The following AGTPBP1 variants were observed in gnomAD, a reference collection of about 807,000 sequenced individuals.
AGTPBP1 encodes cytosolic carboxypeptidase 1.
AGTPBP1 carries 70 observed loss-of-function variants against 143.9 expected under a neutral mutation model. That is an observed-to-expected ratio of 0.49 (90% CI 0.40 to 0.59). The LOEUF (loss-of-function observed/expected upper bound fraction) is 0.59, where lower values mean the gene tolerates loss of function less well. Ranked by LOEUF, AGTPBP1 falls within the 20% of genes least tolerant of loss-of-function variation. The pLI is 0.00. For synonymous variants in AGTPBP1, 463 were observed against 500.2 expected (o/e 0.93, Z 0.99); for missense variants, 1,229 against 1,464.5 (o/e 0.84, Z 2.62).
intron 2 of AGTPBP1, among the ~76,000 whole-genome samples, chr9:85,710,703 A>ACAAC (rs1837311836): frequency 1.3e-5 from 2 of 152,158 alleles, no homozygotes; most frequent in African/African-American, 4.8e-5. Context: ...CAACAACAAA[A>ACAAC]AAAACAAATA....
At chr9:85,582,736 CAT>C (rs1453276107) in intron 23 of AGTPBP1, among the ~76,000 whole-genome samples, 1 of 151,804 alleles carries the variant, frequency 6.6e-6, no homozygotes, top group East Asian at 1.9e-4. Context: ...CCCGCAAAAA[CAT>C]AAACACTTGC....
intron 25 of AGTPBP1, among the ~76,000 whole-genome samples, chr9:85,564,703 C>T (rs1826967654): frequency 6.6e-6 from 1 of 152,156 alleles, no homozygotes; most frequent in African/African-American, 2.4e-5. Flanking sequence ...ATGGGCTATA[C>T]CATCTAGGTT....
intron 4 of AGTPBP1, among the ~76,000 whole-genome samples, chr9:85,679,209 A>T (rs1388134712): frequency 6.6e-6 from 1 of 152,204 alleles, no homozygotes; most frequent in Non-Finnish European, 1.5e-5. Flanking sequence ...CAGAAGAGTG[A>T]CTATTTCTCC....
intron 1 of AGTPBP1, 47 bp from the exon 2 acceptor site, chr9:85,712,613 C>G: frequency 1.0e-6 from 1 of 978,830 alleles, no homozygotes; most frequent in South Asian, 1.9e-5. Flanking sequence ...ACTCTTTTTT[C>G]TATATATTAG....
At chr9:85,784,786 G>A in the AGTPBP1 span, among the ~76,000 whole-genome samples, 1 of 152,206 alleles carries the variant, frequency 6.6e-6, no homozygotes. Flanking sequence ...CTGAACCAGA[G>A]TGAGCCGTGG....
At chr9:85,654,933 T>C (rs1402590993) in intron 11 of AGTPBP1, among the ~76,000 whole-genome samples, 2 of 152,218 alleles carry the variant, frequency 1.3e-5, no homozygotes, top group Non-Finnish European at 2.9e-5. Flanking sequence ...CACATTTGCA[T>C]ATATACAACA....
At chr9:85,803,146 T>C in the AGTPBP1 span, among the ~76,000 whole-genome samples, 1 of 152,212 alleles carries the variant, frequency 6.6e-6, no homozygotes, top group Non-Finnish European at 1.5e-5. Context: ...ACGTGGGAAC[T>C]GGGGAAGAGG....
At chr9:85,641,047 A>G (rs1832430394) in intron 13 of AGTPBP1, among the ~76,000 whole-genome samples, 1 of 152,192 alleles carries the variant, frequency 6.6e-6, no homozygotes, top group East Asian at 1.9e-4. Flanking sequence ...CCTTTGTCCA[A>G]CGTATCCACA....
rs761507509 is a variant in AGTPBP1 at position 85,592,607 on chromosome 9, C to A, written c.2521G>T (p.Val841Phe). Residue 841 changes from valine (V) to phenylalanine (F), a missense_variant, in exon 19 of 26, where the codon GTT becomes TTT. Physicochemically the swap from Val to Phe is conservative, Grantham distance 50 (BLOSUM62 -1). Around this residue, in one of 2 missense-constraint regions of AGTPBP1, gnomAD observed 486 missense variants for 652.3 expected, o/e 0.75. Transcript: ENST00000357081. ...FTVNFPHKDDVCYFAYHYPYT... is the reference protein window; with the variant it reads ...FTVNFPHKDDFCYFAYHYPYT... ...GGATAGTGATAAGCAAAGTAGCAAA[C>A]ATCATCTTTATGTGGAAAATTGACA... is the stretch of plus-strand genomic sequence containing the variant. 1.8e-5 allele frequency: 29 copies of A among 1,611,698 alleles called. No homozygotes were observed. The highest frequency in any genetic ancestry group is 2.3e-5 in the Non-Finnish European group (27 of 1,179,126).
chr9:85,698,985 T>A (rs1028475169), intron 2 of AGTPBP1, among the ~76,000 whole-genome samples: 18 of 152,028 alleles, frequency 1.2e-4, no homozygotes, highest in African/African-American at 3.9e-4. Flanking sequence ...AACCCTATTT[T>A]TAGATGCATC....
the AGTPBP1 span, chr9:85,755,937 G>A: frequency 5.9e-5 from 37 of 626,812 alleles, no homozygotes; most frequent in Middle Eastern, 4.7e-4. Context: ...GATCTCAGAC[G>A]GCTACCTGAG....
rs1001492078 is a variant in AGTPBP1, at chr9:85,615,412, G to A, written c.2335+3571C>T. Among the ~76,000 whole-genome samples, 3 of 152,036 alleles carry A rather than the reference G, an allele frequency of 2.0e-5. No individual in the cohort carries two copies. In the East Asian group the frequency reaches 5.8e-4, roughly 29 times the overall value. ...CTTATAATTTTGAAATGTGGAGAAA[G>A]ACTTAAATCTTCAATCTGTTATCAT... On this transcript the variant is annotated intron_variant, in intron 17 of 25. Coordinates refer to ENST00000357081, the MANE Select transcript of AGTPBP1 (RefSeq NM_001330701.2).
the AGTPBP1 span, among the ~76,000 whole-genome samples, chr9:85,790,944 T>C: frequency 1.3e-5 from 2 of 152,214 alleles, no homozygotes; most frequent in African/African-American, 2.4e-5. Flanking sequence ...AAACTATCTA[T>C]TAATAATTAT....
At chr9:85,609,673 A>G (rs998845841) in intron 17 of AGTPBP1, among the ~76,000 whole-genome samples, 2 of 152,216 alleles carry the variant, frequency 1.3e-5, no homozygotes, top group Non-Finnish European at 2.9e-5. Context: ...GAAAAGCAAG[A>G]TGGGCCTTGT....
chr9:85,715,624 C>A (rs1308589566), intron 1 of AGTPBP1, among the ~76,000 whole-genome samples: 4 of 152,158 alleles, frequency 2.6e-5, no homozygotes, highest in Admixed American at 2.6e-4. Flanking sequence ...TAAGAGTCCC[C>A]CAGGAAAAAG....
chr9:85,642,523 G>A (rs1431623184), intron 13 of AGTPBP1, among the ~76,000 whole-genome samples: 3 of 151,560 alleles, frequency 2.0e-5, no homozygotes, highest in African/African-American at 4.8e-5. Flanking sequence ...TAGTAGTGAC[G>A]GGGTTTCACT....
chr9:85,612,882 GTTT>G (rs34585790), intron 17 of AGTPBP1, among the ~76,000 whole-genome samples: 1 of 146,930 alleles, frequency 6.8e-6, no homozygotes, highest in South Asian at 2.1e-4. Flanking sequence ...AGAAAAACAG[GTTT>G]TTTTTTTTTC....
chr9:85,641,890 G>A (rs1029640124), intron 13 of AGTPBP1, among the ~76,000 whole-genome samples: 5 of 151,880 alleles, frequency 3.3e-5, no homozygotes, highest in Admixed American at 2.6e-4. Flanking sequence ...GAAGAAACAG[G>A]GTTTTGCCAT....
chr9:85,756,616 A>G, the AGTPBP1 span, among the ~76,000 whole-genome samples: 1,550 of 152,314 alleles, frequency 0.01, 18 homozygotes, highest in African/African-American at 0.035. Context: ...TCCATGAGAA[A>G]TGAAAGCATG....
Sources: allele counts gnomAD v4.1 joint callset (sites outside exome capture counted in the v4.1 genomes callset), GRCh38; gene constraint gnomAD v4.1.1; regional missense constraint gnomAD v4.1.1; transcripts MANE v1.5; gene names NCBI Gene and HGNC (gene_info 2026-07-23, HGNC 2026-07-21).